The following ZBTB40 variants were observed in gnomAD, a reference collection of about 807,000 sequenced individuals.
ZBTB40 encodes zinc finger and BTB domain-containing protein 40.
In ZBTB40, 60 loss-of-function variants were observed where a neutral mutation model predicts 117.5. That is an observed-to-expected ratio of 0.51 (90% CI 0.41 to 0.63). ZBTB40 has a LOEUF of 0.63. Among genes scored for constraint, ZBTB40 ranks in the 30% least tolerant of loss-of-function variants. The pLI is 0.00. For missense variants in ZBTB40, 1,287 were observed against 1,498.5 expected (o/e 0.86, Z 2.33); for synonymous variants, 525 against 577.1 (o/e 0.91, Z 1.29).
At chr1:22,458,028 A>C (rs1287582069) in intron 1 of ZBTB40, among the ~76,000 whole-genome samples, 1 of 152,218 alleles carries the variant, frequency 6.6e-6, no homozygotes, top group Non-Finnish European at 1.5e-5. Flanking sequence ...CAAAGGCAGA[A>C]ACCTGGGAAT....
At chr1:22,467,252 A>G (rs1641278518) in intron 1 of ZBTB40, among the ~76,000 whole-genome samples, 1 of 152,170 alleles carries the variant, frequency 6.6e-6, no homozygotes, top group African/African-American at 2.4e-5. Context: ...TTGTATATAA[A>G]GTAACTCTGG....
upstream of ZBTB40, among the ~76,000 whole-genome samples, chr1:22,451,166 C>T (rs1296615951): frequency 3.9e-5 from 6 of 152,164 alleles, no homozygotes; most frequent in Non-Finnish European, 8.8e-5. Context: ...TCCAGGATGC[C>T]TTCAGCCCAC....
At chr1:22,521,408 AATGT>A in intron 14 of ZBTB40, 84 bp from the exon 15 acceptor site, 11 of 1,554,454 alleles carry the variant, frequency 7.1e-6, no homozygotes, top group Non-Finnish European at 8.0e-6. Context: ...CTTATCCAAA[AATGT>A]ATTTCTTTCT....
chr1:22,508,790 C>G, intron 8 of ZBTB40, 59 bp downstream of exon 8: 1 of 1,542,404 alleles, frequency 6.5e-7, no homozygotes, highest in Non-Finnish European at 8.9e-7. Flanking sequence ...GTCAGTCTTC[C>G]TAGAAAATAG....
At chr1:22,462,271 T>TAGAG (rs1641150371) in intron 1 of ZBTB40, among the ~76,000 whole-genome samples, 3 of 152,094 alleles carry the variant, frequency 2.0e-5, no homozygotes, top group African/African-American at 7.2e-5. Flanking sequence ...ACAGCATGAG[T>TAGAG]TCACTGACTG....
intron 17 of ZBTB40, among the ~76,000 whole-genome samples, chr1:22,524,763 A>G (rs867784105): frequency 5.9e-5 from 9 of 152,312 alleles, no homozygotes; most frequent in African/African-American, 1.7e-4. Flanking sequence ...AGACAGAGGA[A>G]CACTTTGTTG....
intron 1 of ZBTB40, chr1:22,452,821 TACTG>T (rs1177092901): frequency 2.6e-5 from 4 of 152,378 alleles, no homozygotes; most frequent in Admixed American, 6.5e-5. Flanking sequence ...CTTCTGGTCT[TACTG>T]ACTATTCAGA....
At chr1:22,449,143 A>G (rs564084922), upstream of ZBTB40, among the ~76,000 whole-genome samples, 58 of 152,258 alleles carry the variant, frequency 3.8e-4, no homozygotes, top group Middle Eastern at 3.4e-3. Context: ...GGCCAGGAAC[A>G]TGTTTTGTTG....
At chr1:22,499,358 C>CGA (rs1638864409) in intron 3 of ZBTB40, among the ~76,000 whole-genome samples, 1 of 152,330 alleles carries the variant, frequency 6.6e-6, no homozygotes, top group Middle Eastern at 3.4e-3. Context: ...TTACCATATT[C>CGA]TGCTTCTTAG....
chr1:22,490,080 T>C lies in ZBTB40; in HGVS notation c.132T>C (p.Ala44=). Residue 44 remains alanine (A), a synonymous_variant, in exon 2 of 18, where the codon GCT becomes GCC. Transcript: ENST00000375647. Reference sequence around the variant, plus strand: ...GGGCTCACAAGCTTGTCCTGGCTGCTGCCAGCCTCCTGTTCAAAACCCTGC... The same window carrying C: ...GGGCTCACAAGCTTGTCCTGGCTGCCGCCAGCCTCCTGTTCAAAACCCTGC... ...YFRAHKLVLA[A]ASLLFKTLLD... 6.2e-7 allele frequency: 1 copy of C among 1,614,212 alleles called. No individual in the cohort carries two copies. The highest frequency in any genetic ancestry group is 8.5e-7 in the Non-Finnish European group (1 of 1,180,028).
intron 1 of ZBTB40, among the ~76,000 whole-genome samples, chr1:22,472,731 G>A (rs1255138565): frequency 2.0e-5 from 3 of 152,208 alleles, no homozygotes; most frequent in Non-Finnish European, 2.9e-5. Flanking sequence ...TTGGCTGGCT[G>A]TACCATTCTA....
intron 17 of ZBTB40, among the ~76,000 whole-genome samples, 172 bp downstream of exon 17, chr1:22,524,616 G>C (rs986501568): frequency 2.0e-5 from 3 of 152,212 alleles, no homozygotes; most frequent in African/African-American, 4.8e-5. Flanking sequence ...TGGCCACATG[G>C]GAAGTGGCCC....
chr1:22,449,628 C>T (rs143234251), upstream of ZBTB40, among the ~76,000 whole-genome samples: 93 of 152,236 alleles, frequency 6.1e-4, no homozygotes, highest in African/African-American at 2.1e-3. Context: ...CTAAAACAAT[C>T]CCCCCAGGGA....
chr1:22,463,314 T>C (rs1641173544), intron 1 of ZBTB40, among the ~76,000 whole-genome samples: 2 of 152,184 alleles, frequency 1.3e-5, no homozygotes, highest in Non-Finnish European at 2.9e-5. Flanking sequence ...ATTTTTACAT[T>C]AGATGGGTAT....
intron 1 of ZBTB40, among the ~76,000 whole-genome samples, chr1:22,479,039 A>G (rs1044890350): frequency 6.6e-6 from 1 of 152,230 alleles, no homozygotes; most frequent in Non-Finnish European, 1.5e-5. Flanking sequence ...AAGTTGGATC[A>G]TATAGTATGT....
At chr1:22,498,768 A>G (rs1174791194) in intron 3 of ZBTB40, among the ~76,000 whole-genome samples, 1 of 134,704 alleles carries the variant, frequency 7.4e-6, no homozygotes, top group African/African-American at 3.0e-5. Flanking sequence ...GATTTGGGAT[A>G]TTCGGAGAGT....
intron 1 of ZBTB40, among the ~76,000 whole-genome samples, chr1:22,441,469 C>T (rs145067220): frequency 0.016 from 1,368 of 82,932 alleles, 45 homozygotes; most frequent in Admixed American, 0.093. Flanking sequence ...TTATTATTTG[C>T]TTTCTTTTTT....
chr1:22,467,020 A>G (rs989223322), intron 1 of ZBTB40, among the ~76,000 whole-genome samples: 1 of 152,106 alleles, frequency 6.6e-6, no homozygotes, highest in South Asian at 2.1e-4. Context: ...GCTGTATGCC[A>G]TATTTACTTT....
rs1639173212 is a variant in ZBTB40 at position 22,509,521 on chromosome 1, T to G, written c.1833+288T>G. Among the ~76,000 whole-genome samples, 3 of 152,166 alleles carry G rather than the reference T, an allele frequency of 2.0e-5. No homozygotes were observed. In the South Asian group the frequency reaches 6.2e-4, roughly 32 times the overall value. ...ACCACCGTGCCCTGCTAATTTTTTG[T>G]ATTTTTAGTGGAGACGGGGTTTCGC... On this transcript the variant is annotated intron_variant, in intron 9 of 17. Coordinates refer to ENST00000375647, the MANE Select transcript of ZBTB40 (RefSeq NM_014870.4).
Sources: allele counts gnomAD v4.1 joint callset (sites outside exome capture counted in the v4.1 genomes callset), GRCh38; gene constraint gnomAD v4.1.1; transcripts MANE v1.5; gene names NCBI Gene and HGNC (gene_info 2026-07-23, HGNC 2026-07-21).